Variants in ENTREP1 observed in about 807,000 individuals in gnomAD.
ENTREP1 encodes the protein endosomal transmembrane epsin interactor 1, also known as Friedreich ataxia region gene X123.
At chr9:69,352,517 T>C in the ENTREP1 span, among the ~76,000 whole-genome samples, 1 of 152,220 alleles carries the variant, frequency 6.6e-6, no homozygotes, top group Non-Finnish European at 1.5e-5. Context: ...TTTGCAATAA[T>C]AACATAACTG....
the ENTREP1 span, among the ~76,000 whole-genome samples, chr9:69,347,163 A>G: frequency 6.6e-6 from 1 of 152,200 alleles, no homozygotes; most frequent in Non-Finnish European, 1.5e-5. Context: ...GCATGGGGTG[A>G]GCTCACATCC....
the ENTREP1 span, among the ~76,000 whole-genome samples, chr9:69,364,856 C>A: frequency 6.6e-6 from 1 of 152,118 alleles, no homozygotes; most frequent in Non-Finnish European, 1.5e-5. Context: ...ACAAATGAAA[C>A]CCCAGGCCTT....
At chr9:69,324,988 G>T in the ENTREP1 span, 6 of 985,370 alleles carry the variant, frequency 6.1e-6, no homozygotes, top group Non-Finnish European at 7.2e-6. Flanking sequence ...GGAAGCCGGC[G>T]CAGGTTCGGC....
At chr9:69,336,346 G>A in the ENTREP1 span, 1 of 850,444 alleles carries the variant, frequency 1.2e-6, no homozygotes, top group Non-Finnish European at 1.9e-6. Context: ...AACCACTGAA[G>A]AAATGCTTAA....
the ENTREP1 span, among the ~76,000 whole-genome samples, chr9:69,336,948 T>G: frequency 1.3e-5 from 2 of 148,818 alleles, no homozygotes; most frequent in Non-Finnish European, 3.0e-5. Context: ...TCCTCCCGCC[T>G]TGGCCTCCCA....
At chr9:69,335,038 G>C in the ENTREP1 span, among the ~76,000 whole-genome samples, 1 of 152,152 alleles carries the variant, frequency 6.6e-6, no homozygotes, top group Non-Finnish European at 1.5e-5. Context: ...GGGAGTAACA[G>C]GAGTGAGCCA....
chr9:69,388,331 C>T, the ENTREP1 span: 10 of 1,614,096 alleles, frequency 6.2e-6, no homozygotes, highest in South Asian at 1.1e-5. Flanking sequence ...GTTCCTGGAG[C>T]AGTCCTCTTG....
chr9:69,329,768 T>A, the ENTREP1 span: 416 of 376,764 alleles, frequency 1.1e-3, no homozygotes, highest in Non-Finnish European at 1.2e-3. Flanking sequence ...GTTTGGGGGG[T>A]GCGTTTAGTG....
At chr9:69,340,666 C>CATGCAT in the ENTREP1 span, among the ~76,000 whole-genome samples, 5 of 108,648 alleles carry the variant, frequency 4.6e-5, no homozygotes, top group Non-Finnish European at 7.4e-5. Flanking sequence ...TGTGTGTGTG[C>CATGCAT]GTGTGTGTGT....
the ENTREP1 span, among the ~76,000 whole-genome samples, chr9:69,376,877 G>T: frequency 1.3e-5 from 2 of 152,338 alleles, no homozygotes; most frequent in African/African-American, 4.8e-5. Flanking sequence ...GGCTGGGCCA[G>T]CTCCTTCAGT....
At chr9:69,389,305 G>A in the ENTREP1 span, among the ~76,000 whole-genome samples, 4 of 152,062 alleles carry the variant, frequency 2.6e-5, no homozygotes, top group African/African-American at 9.7e-5. Flanking sequence ...AATTTCTCAG[G>A]GTAATTACCA....
chr9:69,380,154 T>C, the ENTREP1 span: 1 of 152,232 alleles, frequency 6.6e-6, no homozygotes. Context: ...AGCCCTATAA[T>C]CATATTGCCA....
the ENTREP1 span, among the ~76,000 whole-genome samples, chr9:69,371,765 C>G: frequency 6.6e-6 from 1 of 152,196 alleles, no homozygotes. Context: ...GAGCTGCCTG[C>G]TGATTATTTC....
chr9:69,359,588 C>T, the ENTREP1 span, among the ~76,000 whole-genome samples: 3 of 152,198 alleles, frequency 2.0e-5, no homozygotes, highest in Admixed American at 2.0e-4. Flanking sequence ...TCACCTTCTG[C>T]CGTGATTGTA....
chr9:69,361,895 T>G, the ENTREP1 span, among the ~76,000 whole-genome samples: 9 of 152,158 alleles, frequency 5.9e-5, no homozygotes, highest in Admixed American at 1.3e-4. Flanking sequence ...CCACCAACTT[T>G]CTACCTTCTA....
chr9:69,367,604 T>TATATATATATACACACACATATATAA, the ENTREP1 span, among the ~76,000 whole-genome samples: 2 of 134,890 alleles, frequency 1.5e-5, no homozygotes, highest in African/African-American at 5.6e-5. Flanking sequence ...GTGTTTTATA[T>TATATATATATACACACACATATATAA]ATATATATAT....
chr9:69,353,493 A>G, the ENTREP1 span, among the ~76,000 whole-genome samples: 6 of 152,230 alleles, frequency 3.9e-5, no homozygotes, highest in Non-Finnish European at 8.8e-5. Context: ...TGCTGTAGGA[A>G]GCACCTTCTA....
the ENTREP1 span, among the ~76,000 whole-genome samples, chr9:69,377,193 G>A: frequency 6.6e-6 from 1 of 152,204 alleles, no homozygotes; most frequent in Non-Finnish European, 1.5e-5. Flanking sequence ...CATAATAATA[G>A]CCAGCATTTA....
the ENTREP1 span, chr9:69,329,505 C>CT: frequency 4.1e-6 from 4 of 982,782 alleles, no homozygotes; most frequent in Non-Finnish European, 4.8e-6. Flanking sequence ...TATAAAGCAT[C>CT]TTTTTTCATA....
Sources: gnomAD v4.1 joint callset for allele counts (sites outside exome capture counted in the v4.1 genomes callset) on GRCh38, gnomAD v4.1.1 for gene constraint, MANE v1.5 for transcripts, NCBI Gene and HGNC (gene_info 2026-07-23, HGNC 2026-07-21) for gene names.